COQ10B: variants seen among roughly 807,000 people sequenced by gnomAD.
COQ10B encodes coenzyme Q-binding protein COQ10 homolog B, mitochondrial.
Under a neutral mutation model 27.6 loss-of-function variants are expected in COQ10B, and 12 were observed. The observed-to-expected ratio is 0.43, with a 90% CI of 0.28 to 0.70. COQ10B has a LOEUF of 0.70. COQ10B is among the 30% of genes least tolerant of loss of function. The pLI is 0.17. For synonymous variants in COQ10B, 115 were observed against 103.0 expected (o/e 1.12, Z -0.71); for missense variants, 278 against 288.7 (o/e 0.96, Z 0.27).
chr2:197,461,490 A>G (rs2085756740), intron 2 of COQ10B, among the ~76,000 whole-genome samples: 1 of 152,230 alleles, frequency 6.6e-6, no homozygotes, highest in East Asian at 1.9e-4. Context: ...AAATCTTTGG[A>G]TAGACATCAT....
Position 197,459,795 on chromosome 2 carries a change from G to A in COQ10B, c.105-137G>A, listed in dbSNP as rs995536648. The A allele has an allele frequency of 1.4e-5, 7 of 495,970 alleles. No individual in the cohort carries two copies. In the East Asian group the frequency reaches 1.8e-4, roughly 13 times the overall value. 30.7% of individuals were successfully genotyped at this position (495,970 alleles called of 1,614,324 possible). On this transcript the variant is annotated intron_variant, in intron 1 of 4. Transcript: ENST00000263960. Reference sequence around the variant, plus strand: ...AAGAAGCTGTGCTTTTTCTGTGCCCGTGTGTGTGTATTTTTTCAGAAACAT... The same window carrying A: ...AAGAAGCTGTGCTTTTTCTGTGCCCATGTGTGTGTATTTTTTCAGAAACAT...
At chr2:197,465,076 AG>A (rs1227232622) in intron 3 of COQ10B, among the ~76,000 whole-genome samples, 31 of 151,844 alleles carry the variant, frequency 2.0e-4, no homozygotes, top group African/African-American at 3.9e-4. Flanking sequence ...TAGTAGAGAC[AG>A]GGTTTCACCG....
At chr2:197,459,049 A>G (rs2085729689) in intron 1 of COQ10B, among the ~76,000 whole-genome samples, 1 of 152,244 alleles carries the variant, frequency 6.6e-6, no homozygotes, top group Admixed American at 6.5e-5. Flanking sequence ...AGACATTTGT[A>G]CATAGAAGTA....
chr2:197,454,084 G>A (rs934960009), intron 1 of COQ10B: 2 of 1,551,136 alleles, frequency 1.3e-6, no homozygotes, highest in South Asian at 2.4e-5. Context: ...CTACCTGCCA[G>A]ATGGTCAGAT....
At chr2:197,467,216 G>A (rs2085833768) in intron 3 of COQ10B, among the ~76,000 whole-genome samples, 1 of 151,894 alleles carries the variant, frequency 6.6e-6, no homozygotes, top group Admixed American at 6.6e-5. Flanking sequence ...CAAAACACTG[G>A]GATTACAGGA....
intron 4 of COQ10B, among the ~76,000 whole-genome samples, chr2:197,472,628 A>T (rs1296567441): frequency 6.6e-6 from 1 of 151,104 alleles, no homozygotes; most frequent in Non-Finnish European, 1.5e-5. Context: ...ACATGGTGAA[A>T]CCCCGTCTCT....
At chr2:197,462,892 A>G (rs991844126) in intron 3 of COQ10B, among the ~76,000 whole-genome samples, 161 bp downstream of exon 3, 7 of 152,218 alleles carry the variant, frequency 4.6e-5, no homozygotes, top group Admixed American at 2.0e-4. Context: ...CAATGTTAGC[A>G]TTATTCTTTC....
intron 1 of COQ10B, chr2:197,454,365 G>T (rs948222559): frequency 8.2e-6 from 3 of 364,874 alleles, no homozygotes; most frequent in Non-Finnish European, 1.5e-5. Context: ...ATTAAAGTTA[G>T]TGTGTTTAAA....
chr2:197,468,700 G>A (rs926822108), intron 3 of COQ10B, among the ~76,000 whole-genome samples: 1 of 148,264 alleles, frequency 6.7e-6, no homozygotes, highest in Non-Finnish European at 1.5e-5. Flanking sequence ...CACGCCTGCT[G>A]TAATCCCAGC....
chr2:197,453,870 G>T (rs938766635), intron 1 of COQ10B: 3 of 1,332,264 alleles, frequency 2.3e-6, no homozygotes, highest in Non-Finnish European at 3.1e-6. Context: ...TTCGTGGCTC[G>T]TTTGCCTCGT....
intron 3 of COQ10B, among the ~76,000 whole-genome samples, chr2:197,467,537 C>A (rs1014459267): frequency 2.0e-5 from 3 of 152,070 alleles, no homozygotes; most frequent in African/African-American, 7.2e-5. Flanking sequence ...GCCACCACGC[C>A]CAGCTAATTT....
chr2:197,464,156 T>C (rs2106051942), intron 3 of COQ10B, among the ~76,000 whole-genome samples: 1 of 150,520 alleles, frequency 6.6e-6, no homozygotes, highest in South Asian at 2.1e-4. Context: ...AAATGCCAAC[T>C]GCTCTTACAT....
chr2:197,467,936 G>A (rs1292337030), intron 3 of COQ10B, among the ~76,000 whole-genome samples: 1 of 152,144 alleles, frequency 6.6e-6, no homozygotes, highest in African/African-American at 2.4e-5. Context: ...GAAACATTTT[G>A]TATGGATTAG....
At chr2:197,472,161 T>A in intron 4 of COQ10B, among the ~76,000 whole-genome samples, 1 of 151,940 alleles carries the variant, frequency 6.6e-6, no homozygotes, top group East Asian at 1.9e-4. Flanking sequence ...AAAATGAAAT[T>A]ATTTCGTAAT....
intron 1 of COQ10B, among the ~76,000 whole-genome samples, chr2:197,456,775 A>G (rs1473009322): frequency 6.6e-6 from 1 of 152,090 alleles, no homozygotes; most frequent in Non-Finnish European, 1.5e-5. Context: ...AAAAAAATAA[A>G]TAAGTAAAAA....
intron 4 of COQ10B, 60 bp from the exon 5 acceptor site, chr2:197,473,694 CCAA>C: frequency 4.7e-6 from 5 of 1,073,024 alleles, no homozygotes; most frequent in Non-Finnish European, 6.2e-6. Flanking sequence ...TCCAGGAAAA[CCAA>C]AAAAAAAAAA....
intron 1 of COQ10B, among the ~76,000 whole-genome samples, chr2:197,459,032 A>G (rs1429649937): frequency 6.6e-6 from 1 of 152,220 alleles, no homozygotes; most frequent in Middle Eastern, 3.2e-3. Context: ...GTGAACAAGC[A>G]TATAGCAGAC....
At chr2:197,458,657 T>TA (rs2085724698) in intron 1 of COQ10B, among the ~76,000 whole-genome samples, 1 of 151,898 alleles carries the variant, frequency 6.6e-6, no homozygotes, top group Admixed American at 6.6e-5. Flanking sequence ...GTCAAATAGT[T>TA]ACGTAATAAT....
chr2:197,455,406 G>C (rs910811415), intron 1 of COQ10B, among the ~76,000 whole-genome samples: 1 of 145,772 alleles, frequency 6.9e-6, no homozygotes, highest in South Asian at 2.2e-4. Flanking sequence ...CGGGAGGATT[G>C]CCTGAGCTCA....
Sources: gnomAD v4.1 joint callset for allele counts (sites outside exome capture counted in the v4.1 genomes callset) on GRCh38, gnomAD v4.1.1 for gene constraint, MANE v1.5 for transcripts, NCBI Gene and HGNC (gene_info 2026-07-23, HGNC 2026-07-21) for gene names.